The following CELF2 variants were observed in gnomAD, a reference collection of about 807,000 sequenced individuals.
CELF2 encodes the protein CUG triplet repeat RNA-binding protein 2.
CELF2 carries 8 observed loss-of-function variants against 62.6 expected under a neutral mutation model. That is an observed-to-expected ratio of 0.13 (90% CI 0.07 to 0.23). The LOEUF (loss-of-function observed/expected upper bound fraction) is 0.23. Ranked by LOEUF, CELF2 falls within the 10% of genes least tolerant of loss-of-function variation. CELF2 has a pLI of 1.00. For missense variants in CELF2, 333 were observed against 671.0 expected (o/e 0.50, Z 5.56); for synonymous variants, 258 against 250.0 (o/e 1.03, Z -0.30).
At chr10:10,787,914 T>G in the CELF2 span, among the ~76,000 whole-genome samples, 1 of 152,192 alleles carries the variant, frequency 6.6e-6, no homozygotes, top group African/African-American at 2.4e-5. Flanking sequence ...CCATGCCGGT[T>G]CAAATCATTA....
rs1554936315 is a variant in CELF2, at chr10:11,197,025, A to AAAGAAAAGAAAGAAAG, written c.272-20398_272-20397insGAAAAGAAAGAAAGAA. Reference sequence around the variant, plus strand: ...AGGAGAAAGAAAGAAAGAAAGAAAGAAAAGAAAGAAAGAAAGAAAGAAAGA... The same window carrying AAAGAAAAGAAAGAAAG: ...AGGAGAAAGAAAGAAAGAAAGAAAGAAAGAAAAGAAAGAAAGAAAGAAAGAAAGAAAGAAAGAAAGA... On this transcript the variant is annotated intron_variant, in intron 2 of 12. Transcript: ENST00000633077. Among the ~76,000 whole-genome samples, 22 of 26,130 alleles carry AAAGAAAAGAAAGAAAG rather than the reference A, an allele frequency of 8.4e-4. 2 individuals carry two copies. The highest frequency in any genetic ancestry group is 1.3e-3 in the Non-Finnish European group (15 of 11,994). 17.1% of individuals were successfully genotyped at this position (26,130 alleles called of 152,430 possible). A position where few individuals can be genotyped will look rare whatever the true frequency, so the allele number is the denominator to read the frequency against.
At chr10:10,885,289 T>C (rs1331895917) in intron 1 of CELF2, among the ~76,000 whole-genome samples, 2 of 151,704 alleles carry the variant, frequency 1.3e-5, no homozygotes, top group Non-Finnish European at 2.9e-5. Context: ...ACAGACTATA[T>C]GTAGGTATTT....
At chr10:11,231,899 A>G (rs1565445652) in intron 3 of CELF2, among the ~76,000 whole-genome samples, 1 of 152,158 alleles carries the variant, frequency 6.6e-6, no homozygotes, top group Admixed American at 6.5e-5. Context: ...AAAATCTTTC[A>G]TCATCTCAAT....
At chr10:11,095,688 C>T (rs765664470) in intron 1 of CELF2, among the ~76,000 whole-genome samples, 4 of 152,246 alleles carry the variant, frequency 2.6e-5, no homozygotes, top group Middle Eastern at 3.4e-3. Flanking sequence ...ATTTTTGTTT[C>T]GCAACCAGAA....
intron 1 of CELF2, among the ~76,000 whole-genome samples, chr10:10,881,792 T>G (rs1044116836): frequency 6.6e-6 from 1 of 152,190 alleles, no homozygotes; most frequent in Non-Finnish European, 1.5e-5. Flanking sequence ...GTTATGCATA[T>G]GCCAGACAAA....
chr10:11,165,136 C>A lies in CELF2; in HGVS notation c.75-350C>A. On this transcript the variant is annotated intron_variant, in intron 1 of 12. Transcript: ENST00000633077. This position sits in a 1 kb window ranked among gnomAD's most constrained non-coding sequence, Gnocchi z 7.4. Reference sequence around the variant, plus strand: ...CACAGCCAGGGTAGGGCTGATAAGGCGCTGATGCGTTGATGGCAGCCTTGC... The same window carrying A: ...CACAGCCAGGGTAGGGCTGATAAGGAGCTGATGCGTTGATGGCAGCCTTGC... 9.4e-7 allele frequency: 1 copy of A among 1,064,784 alleles called. No homozygotes were observed. Among genetic ancestry groups the A allele is most frequent in the East Asian group, 8.0e-5 (1 of 12,448 alleles). 66.0% of individuals were successfully genotyped at this position (1,064,784 alleles called of 1,614,324 possible). A position where few individuals can be genotyped will look rare whatever the true frequency, so the allele number is the denominator to read the frequency against.
the CELF2 span, among the ~76,000 whole-genome samples, chr10:10,673,707 G>T: frequency 6.6e-6 from 1 of 152,216 alleles, no homozygotes; most frequent in East Asian, 1.9e-4. Context: ...TGATTTCGCT[G>T]CATCCCACAC....
chr10:10,688,990 C>A, the CELF2 span, among the ~76,000 whole-genome samples: 3 of 151,802 alleles, frequency 2.0e-5, no homozygotes, highest in Non-Finnish European at 4.4e-5. Flanking sequence ...GGCAACAGAA[C>A]AAGACCCTAT....
intron 1 of CELF2, among the ~76,000 whole-genome samples, chr10:10,892,265 G>T (rs910246995): frequency 1.3e-5 from 2 of 152,142 alleles, no homozygotes; most frequent in Non-Finnish European, 1.5e-5. Flanking sequence ...GTTTAGGCAG[G>T]AAGCTTCCCT....
the CELF2 span, among the ~76,000 whole-genome samples, chr10:10,686,260 T>C: frequency 7.1e-6 from 1 of 140,046 alleles, no homozygotes; most frequent in African/African-American, 2.7e-5. Flanking sequence ...ACCTGGAAAC[T>C]TAATTGCTAA....
At chr10:10,657,422 T>C in the CELF2 span, among the ~76,000 whole-genome samples, 12 of 152,062 alleles carry the variant, frequency 7.9e-5, no homozygotes, top group Non-Finnish European at 1.5e-5. Flanking sequence ...TTAAAAGTAA[T>C]GGCAAAAACC....
At chr10:10,811,487 G>C (rs2055886336) in intron 1 of CELF2, among the ~76,000 whole-genome samples, 1 of 152,130 alleles carries the variant, frequency 6.6e-6, no homozygotes, top group Non-Finnish European at 1.5e-5. Flanking sequence ...GATGGGGGGA[G>C]AGGGGCCCTG....
chr10:10,566,873 C>T, the CELF2 span, among the ~76,000 whole-genome samples: 1 of 152,002 alleles, frequency 6.6e-6, no homozygotes, highest in Non-Finnish European at 1.5e-5. Flanking sequence ...CTAGAATGGG[C>T]CTCTTCCACC....
At chr10:10,690,899 G>A in the CELF2 span, among the ~76,000 whole-genome samples, 2 of 151,880 alleles carry the variant, frequency 1.3e-5, no homozygotes, top group African/African-American at 2.4e-5. Flanking sequence ...ACAAATACCA[G>A]CTCAACCTCC....
chr10:11,017,066 T>C (rs2057354501), upstream of CELF2, among the ~76,000 whole-genome samples: 1 of 152,234 alleles, frequency 6.6e-6, no homozygotes, highest in Admixed American at 6.5e-5. This position sits in a 1 kb window ranked among gnomAD's most constrained non-coding sequence, Gnocchi z 5.5. Flanking sequence ...GAATTAGTTT[T>C]CCAGAACTTA....
At chr10:11,093,078 A>G (rs1242717154) in intron 1 of CELF2, among the ~76,000 whole-genome samples, 1 of 152,216 alleles carries the variant, frequency 6.6e-6, no homozygotes, top group Non-Finnish European at 1.5e-5. Flanking sequence ...TTACTCTGTC[A>G]GGGACTTAGC....
Position 11,227,961 on chromosome 10 carries a change from T to G in CELF2, c.354+10454T>G, listed in dbSNP as rs1482610851. ...CGGTATTATTGTTTCCTCAGAAGAG[T>G]GTGTATTTAAATACCTGCCAGGAAA... On this transcript the variant is annotated intron_variant, in intron 3 of 12. Transcript: ENST00000633077. The surrounding 1 kb of genome is among the most constrained non-coding windows in gnomAD (Gnocchi z 4.8). 1.3e-5 allele frequency among the ~76,000 whole-genome samples: 2 copies of G among 152,090 alleles called. No homozygotes were observed. Among genetic ancestry groups the G allele is most frequent in the Non-Finnish European group, 2.9e-5 (2 of 68,016 alleles).
chr10:11,026,944 G>A (rs1405833460), intron 1 of CELF2, among the ~76,000 whole-genome samples: 6 of 152,166 alleles, frequency 3.9e-5, no homozygotes, highest in Admixed American at 6.5e-5. Context: ...TAAGGGTGGC[G>A]TGTTTCGGAA....
the CELF2 span, among the ~76,000 whole-genome samples, chr10:10,611,263 A>G: frequency 2.0e-5 from 3 of 152,180 alleles, no homozygotes; most frequent in Non-Finnish European, 4.4e-5. Context: ...GAGCCAACCT[A>G]TCATGGGTCA....
Sources: gnomAD v4.1 joint callset for allele counts (sites outside exome capture counted in the v4.1 genomes callset) on GRCh38, gnomAD v4.1.1 for gene constraint, Gnocchi (gnomAD v3.1) non-coding constraint, MANE v1.5 for transcripts, NCBI Gene and HGNC (gene_info 2026-07-23, HGNC 2026-07-21) for gene names.